Variants in UGT1A8 observed in about 807,000 individuals in gnomAD.
UGT1A8 encodes the protein UDP glucuronosyltransferase family 1 member A8.
In UGT1A8, 39 loss-of-function variants were observed where a neutral mutation model predicts 45.3. The observed-to-expected ratio is 0.86, with a 90% CI of 0.67 to 1.12. UGT1A8 has a LOEUF of 1.12. Among genes scored for constraint, UGT1A8 ranks in the 50% most tolerant of loss-of-function variants. UGT1A8 has a pLI of 0.00. For synonymous variants in UGT1A8, 275 were observed against 249.2 expected, an observed-to-expected ratio of 1.10 and a Z score of -0.97; for missense variants, 719 against 664.9, an observed-to-expected ratio of 1.08 and a Z score of -0.90.
chr2:233,625,484 A>G (rs1243125596), intron 1 of UGT1A8, among the ~76,000 whole-genome samples: 1 of 152,134 alleles, frequency 6.6e-6, no homozygotes. Context: ...CAAGAAACAC[A>G]TGCACTGGTA....
Position 233,618,067 on chromosome 2 carries a change from T to C in UGT1A8, c.360T>C (p.Phe120=). Residue 120 remains phenylalanine (F), a synonymous_variant, in exon 1 of 5, where the codon TTT becomes TTC. Coordinates refer to ENST00000373450, the MANE Select transcript of UGT1A8 (RefSeq NM_019076.5). ...CATCCAATGGTTTTTTTAACTTATT[T>C]TTTTCGCATTGCAGGAGTTTGTTTA... The part of the protein sequence containing the change: ...LSSSNGFFNL[F]FSHCRSLFND... 1.2e-6 allele frequency: 2 copies of C among 1,614,014 alleles called. No homozygotes were observed. Among genetic ancestry groups the C allele is most frequent in the Non-Finnish European group, 1.7e-6 (2 of 1,180,000 alleles).
chr2:233,704,120 A>G (rs1015363389), intron 1 of UGT1A8, among the ~76,000 whole-genome samples: 1 of 151,672 alleles, frequency 6.6e-6, no homozygotes, highest in African/African-American at 2.4e-5. Flanking sequence ...CAAACTCCTT[A>G]CCTCAAGTGA....
intron 1 of UGT1A8, among the ~76,000 whole-genome samples, chr2:233,728,649 T>C (rs1297115247): frequency 6.6e-6 from 1 of 152,186 alleles, no homozygotes; most frequent in Non-Finnish European, 1.5e-5. Flanking sequence ...GTATGGTTTT[T>C]GGATGCGCTG....
intron 1 of UGT1A8, among the ~76,000 whole-genome samples, chr2:233,700,721 A>G (rs183855349): frequency 6.2e-4 from 94 of 152,090 alleles, no homozygotes; most frequent in African/African-American, 2.1e-3. Context: ...TCTTTTTTTA[A>G]AAATTTTATT....
chr2:233,757,196 T>A (rs1166696212), intron 1 of UGT1A8, among the ~76,000 whole-genome samples: 4 of 150,888 alleles, frequency 2.7e-5, no homozygotes, highest in Admixed American at 6.6e-5. Flanking sequence ...CTCTGAATTT[T>A]CTGTGCCCAG....
chr2:233,636,977 C>A (rs765048439), intron 1 of UGT1A8: 3 of 1,613,980 alleles, frequency 1.9e-6, no homozygotes, highest in South Asian at 2.2e-5. Flanking sequence ...CCTTTTGATA[C>A]CTGTGGCTTA....
intron 1 of UGT1A8, among the ~76,000 whole-genome samples, chr2:233,687,425 G>A (rs1234842882): frequency 6.6e-6 from 1 of 151,954 alleles, no homozygotes; most frequent in Non-Finnish European, 1.5e-5. Context: ...GGCTTACCGT[G>A]TACCAGGTGC....
chr2:233,680,666 T>C (rs10167119), intron 1 of UGT1A8, among the ~76,000 whole-genome samples: 51,822 of 151,980 alleles, frequency 0.34, 9,235 homozygotes, highest in South Asian at 0.41. Context: ...AGGCAAAGCA[T>C]GGGTGCTGTG....
intron 1 of UGT1A8, among the ~76,000 whole-genome samples, chr2:233,708,162 G>A (rs372592365): frequency 6.6e-5 from 10 of 152,302 alleles, no homozygotes; most frequent in African/African-American, 2.4e-4. Flanking sequence ...GGAGTTGCCG[G>A]AAAATGGACT....
Position 233,693,465 on chromosome 2 carries a change from C to G in UGT1A8, c.856-73569C>G, listed in dbSNP as rs139410055. The G allele has an allele frequency of 3.7e-6, 6 of 1,613,952 alleles. No homozygotes were observed. The African/African-American group carries it at 6.7e-5, about 18-fold the overall frequency. The stretch of plus-strand genomic sequence containing the variant: ...GCTCTTTTCACAGACCCAGCCTTAC[C>G]CTGTGGGGTGATCCTGGCTGAGTAT... On this transcript the variant is annotated intron_variant, in intron 1 of 4. Coordinates refer to ENST00000373450, the MANE Select transcript of UGT1A8 (RefSeq NM_019076.5).
At chr2:233,688,675 A>G (rs10173355) in intron 1 of UGT1A8, among the ~76,000 whole-genome samples, 1 of 152,002 alleles carries the variant, frequency 6.6e-6, no homozygotes, top group Non-Finnish European at 1.5e-5. Context: ...GCTCTTTTTT[A>G]AAAAATTTAA....
At chr2:233,742,178 A>T (rs1317325763) in intron 1 of UGT1A8, among the ~76,000 whole-genome samples, 1 of 151,940 alleles carries the variant, frequency 6.6e-6, no homozygotes, top group Non-Finnish European at 1.5e-5. Context: ...AGAAATATAG[A>T]GTGTGGAGTG....
At chr2:233,688,380 C>T (rs887920380) in intron 1 of UGT1A8, among the ~76,000 whole-genome samples, 14 of 152,164 alleles carry the variant, frequency 9.2e-5, no homozygotes, top group East Asian at 3.8e-4. Context: ...CATTTGTATA[C>T]GATAAACCCT....
At chr2:233,690,331 G>A (rs1198972052) in intron 1 of UGT1A8, among the ~76,000 whole-genome samples, 3 of 152,164 alleles carry the variant, frequency 2.0e-5, no homozygotes, top group Non-Finnish European at 4.4e-5. Context: ...GGTCATACAA[G>A]GGTCTGAAAG....
At chr2:233,635,474 T>G (rs967343488) in intron 1 of UGT1A8, among the ~76,000 whole-genome samples, 1 of 150,804 alleles carries the variant, frequency 6.6e-6, no homozygotes, top group African/African-American at 2.5e-5. Flanking sequence ...CAATCAAATC[T>G]CATGAGAAAT....
chr2:233,721,590 T>A (rs2076956234), intron 1 of UGT1A8: 1 of 172,476 alleles, frequency 5.8e-6, no homozygotes, highest in African/African-American at 2.4e-5. Context: ...TGCAACCTCA[T>A]CCTCAGGTTT....
intron 1 of UGT1A8, among the ~76,000 whole-genome samples, chr2:233,758,732 C>A (rs1469644124): frequency 2.0e-5 from 3 of 152,176 alleles, no homozygotes; most frequent in Non-Finnish European, 4.4e-5. Flanking sequence ...CTAAGCACAT[C>A]CCCAAGTATG....
At chr2:233,726,497 T>C (rs1473175630) in intron 1 of UGT1A8, among the ~76,000 whole-genome samples, 2 of 152,348 alleles carry the variant, frequency 1.3e-5, no homozygotes, top group East Asian at 3.9e-4. Flanking sequence ...CTTATTAATT[T>C]TGGAATTTCA....
chr2:233,617,733 C>G lies in UGT1A8; in HGVS notation c.26C>G (p.Pro9Arg). Reference sequence around the variant, plus strand: ...ATGGCTCGCACAGGGTGGACCAGCCCCATTCCCCTATGTGTTTCTCTGCTG... The same window carrying G: ...ATGGCTCGCACAGGGTGGACCAGCCGCATTCCCCTATGTGTTTCTCTGCTG... The part of the protein sequence containing the change: MARTGWTS[P>R]IPLCVSLLLT... Residue 9 changes from proline (P) to arginine (R), a missense_variant, in exon 1 of 5, where the codon CCC (proline) becomes CGC (arginine). Physicochemically the swap from Pro to Arg is moderately radical, Grantham distance 103 (BLOSUM62 -2). Transcript: ENST00000373450. 6.2e-7 allele frequency: 1 copy of G among 1,614,020 alleles called. No homozygotes were observed. Among genetic ancestry groups the G allele is most frequent in the Middle Eastern group, 1.6e-4 (1 of 6,062 alleles).
Sources: gnomAD v4.1 joint callset for allele counts (sites outside exome capture counted in the v4.1 genomes callset) on GRCh38, gnomAD v4.1.1 for gene constraint, MANE v1.5 for transcripts, NCBI Gene and HGNC (gene_info 2026-07-23, HGNC 2026-07-21) for gene names.